The following TRIM51 variants were observed in gnomAD, a reference collection of about 807,000 sequenced individuals.
TRIM51 encodes tripartite motif-containing 51.
A neutral mutation model predicts 32.7 loss-of-function variants in TRIM51; 23 were observed. That is an observed-to-expected ratio of 0.70 (90% confidence interval 0.51 to 1.00). TRIM51 has a LOEUF of 1.00. Among genes scored for constraint, TRIM51 ranks in the 50% least tolerant of loss-of-function variants. The probability of loss-of-function intolerance (pLI) is 0.00; values close to 1 mark genes in which losing one functional copy is unlikely to be tolerated. For missense variants in TRIM51, 592 were observed against 539.2 expected, an observed-to-expected ratio of 1.10 and a Z score of -0.97; for synonymous variants, 177 against 181.9, an observed-to-expected ratio of 0.97 and a Z score of 0.22.
At position 55,883,983 on chromosome 11, in the gene TRIM51, G is replaced by A. The variant is rs376333374; in HGVS notation, c.-5+599G>A. ...AAAATTCCTTGAAATGGCTCAGATG[G>A]CCTCTGAAAAATATTTGCAATTCTT... On this transcript the variant is annotated intron_variant, in intron 1 of 6. Transcript: ENST00000449290. Among the ~76,000 whole-genome samples, 46 of 151,574 alleles carry A rather than the reference G, an allele frequency of 3.0e-4. No individual in the cohort carries two copies. The South Asian group carries it at 8.5e-3, about 28-fold the overall frequency.
chr11:55,885,863 A>C (rs1475279795), intron 2 of TRIM51, 24 bp downstream of exon 2: 2 of 1,611,472 alleles, frequency 1.2e-6, no homozygotes, highest in Admixed American at 3.3e-5. Context: ...CTGAAGATCT[A>C]TTTCTATACA....
Position 55,891,735 on chromosome 11 carries a change from A to T in TRIM51, c.*103A>T, listed in dbSNP as rs1854653655. On this transcript the variant is annotated 3_prime_UTR_variant, in exon 7 of 7. Coordinates refer to ENST00000449290, the MANE Select transcript of TRIM51 (RefSeq NM_032681.4). ...CAAACAGAACAAATAAGTTATATTT[A>T]ATGTCTTTAGTTGCATTCTAATGTC... is the stretch of plus-strand genomic sequence containing the variant. 7 of 1,332,752 alleles carry T rather than the reference A, an allele frequency of 5.3e-6. No homozygotes were observed. The highest frequency in any genetic ancestry group is 2.7e-5 in the South Asian group (2 of 73,992). 82.6% of individuals were successfully genotyped at this position (1,332,752 alleles called of 1,614,324 possible).
intron 5 of TRIM51, 27 bp from the exon 6 acceptor site, chr11:55,889,915 G>A (rs766833915): frequency 6.5e-7 from 1 of 1,540,758 alleles, no homozygotes; most frequent in South Asian, 1.1e-5. Context: ...GGCTGTAGAT[G>A]TGATAACCCT....
chr11:55,888,888 T>C (rs1854611679), intron 4 of TRIM51, 91 bp from the exon 5 acceptor site: 1 of 1,198,920 alleles, frequency 8.3e-7, no homozygotes, highest in African/African-American at 1.5e-5. Context: ...AAATAGTATC[T>C]TCAGAAACTG....
chr11:55,885,332 C>T (rs1854561445), intron 1 of TRIM51, 93 bp from the exon 2 acceptor site: 2 of 1,332,822 alleles, frequency 1.5e-6, no homozygotes, highest in South Asian at 1.2e-5. Flanking sequence ...TGAGCACTGT[C>T]AAGAAGAAAA....
At chr11:55,884,180 T>TATATATATATATATATATATATAC (rs1344857496) in intron 1 of TRIM51, among the ~76,000 whole-genome samples, 2 of 124,112 alleles carry the variant, frequency 1.6e-5, no homozygotes, top group African/African-American at 6.6e-5. Flanking sequence ...TATATATATA[T>TATATATATATATATATATATATAC]ATACACATAC....
chr11:55,891,209 A>G lies in TRIM51; in HGVS notation c.936A>G (p.Gly312=), dbSNP rs147581399. Residue 312 remains glycine, a synonymous_variant, in exon 7 of 7, where the codon GGA becomes GGG. Coordinates refer to ENST00000449290, the MANE Select transcript of TRIM51 (RefSeq NM_032681.4). ...GAGATTTGAGAAGCATGAATGTTGG[A>G]TGTGACCCTCAAGATGATCCCGATA... ...LCGDLRSMNV[G]CDPQDDPDIT... The G allele has an allele frequency of 2.5e-6, 4 of 1,604,234 alleles. No individual in the cohort carries two copies. In the East Asian group the frequency reaches 8.9e-5, roughly 36 times the overall value.
In TRIM51 at chr11:55,891,705, C is replaced by A. The variant is rs17156540; in HGVS notation, c.*73C>A. 173 of 1,528,846 alleles carry A rather than the reference C, an allele frequency of 1.1e-4. No homozygotes were observed. In the African/African-American group the frequency reaches 2.3e-3, roughly 20 times the overall value. The allele number at this position is 1,528,846 out of a possible 1,614,324, so 94.7% of individuals were successfully genotyped here. ...TCCCAGAAAGCCCTCTTTTTCGCAC[C>A]TCATCAAACAGAACAAATAAGTTAT... On this transcript the variant is annotated 3_prime_UTR_variant, in exon 7 of 7. Coordinates refer to ENST00000449290, the MANE Select transcript of TRIM51 (RefSeq NM_032681.4).
rs1278588551 is a variant in TRIM51 at position 55,885,475 on chromosome 11, C to A, written c.47C>A (p.Pro16His). 1 of 1,611,988 alleles carries A rather than the reference C, an allele frequency of 6.2e-7. No homozygotes were observed. ...GTCTTCCAGAGGGCACTCACCTGTC[C>A]CATCTGCATGAACTACTTCCTAGAC... Reference protein sequence around the residue: ...LQVFQRALTCPICMNYFLDPV... With the variant: ...LQVFQRALTCHICMNYFLDPV... Residue 16 changes from proline (P) to histidine (H), a missense_variant, in exon 2 of 7, where the codon CCC becomes CAC. By Grantham distance (77) the Pro-to-His change is moderately conservative. Coordinates refer to ENST00000449290, the MANE Select transcript of TRIM51 (RefSeq NM_032681.4).
rs769393258 is a variant in TRIM51, at chr11:55,885,827, T to C, written c.399T>C (p.Ala133=). 6.2e-7 allele frequency: 1 copy of C among 1,611,640 alleles called. No homozygotes were observed. The change falls in exon 2 of 7, where the codon GCT becomes GCC. Residue 133 remains alanine (A), a synonymous_variant. Coordinates refer to ENST00000449290, the MANE Select transcript of TRIM51 (RefSeq NM_032681.4). ...TACACTGTCCCATTGAGTGGGCTGC[T>C]GAGGAACGCCGGGTAAGTGATGCCT... ...NHIHCPIEWA[A]EERREELLKK...
In TRIM51 at chr11:55,889,986, A is replaced by T. The variant is rs764267318; in HGVS notation, c.806A>T (p.Glu269Val). The change falls in exon 6 of 7, where the codon GAG becomes GTG. Residue 269 changes from glutamate (E) to valine (V), a missense_variant. Glu to Val is a moderately radical substitution (Grantham distance 121). Coordinates refer to ENST00000449290, the MANE Select transcript of TRIM51 (RefSeq NM_032681.4). ...LLQVSEPVNPELSAGPITGLL... is the reference protein window; with the variant it reads ...LLQVSEPVNPVLSAGPITGLL... ...CAAGTGTCTGAGCCTGTGAATCCAG[A>T]GCTCAGTGCAGGGCCCATCACTGGA... The T allele has an allele frequency of 6.2e-7, 1 of 1,613,388 alleles. No individual in the cohort carries two copies. Among genetic ancestry groups the T allele is most frequent in the South Asian group, 1.1e-5 (1 of 91,062 alleles).
At chr11:55,887,262 C>T (rs1854588902) in intron 3 of TRIM51, among the ~76,000 whole-genome samples, 1 of 151,260 alleles carries the variant, frequency 6.6e-6, no homozygotes, top group Admixed American at 6.6e-5. Context: ...CTTCCTCTTC[C>T]TCATAAATAT....
chr11:55,886,369 A>C, intron 3 of TRIM51, 151 bp downstream of exon 3: 1 of 653,998 alleles, frequency 1.5e-6, no homozygotes, highest in Non-Finnish European at 2.7e-6. Context: ...AATTTTTTAT[A>C]TAAGTTAGTG....
rs149742843 is a variant in TRIM51 at position 55,888,262 on chromosome 11, G to T, written c.738G>T (p.Gln246His). ...ATAAAGCAGATGTGGAGCTACTCCAGGTATGGACTGACCATGGGGTATCAT... is the reference window on the plus strand; with the variant it reads ...ATAAAGCAGATGTGGAGCTACTCCATGTATGGACTGACCATGGGGTATCAT... ...MCHKADVELL[Q>H]AFGDILHRYE... Residue 246 changes from glutamine to histidine, a missense_variant and splice_region_variant, in exon 4 of 7, where the codon CAG becomes CAT. Gln to His is a conservative substitution (Grantham distance 24, BLOSUM62 0). Transcript: ENST00000449290. 4.0e-4 allele frequency: 635 copies of T among 1,607,128 alleles called. 1 individual carries two copies. The highest frequency in any genetic ancestry group is 5.0e-4 in the Non-Finnish European group (583 of 1,174,656).
At chr11:55,883,988 T>C (rs777060053) in intron 1 of TRIM51, among the ~76,000 whole-genome samples, 28 of 151,826 alleles carry the variant, frequency 1.8e-4, no homozygotes, top group Admixed American at 7.9e-4. Context: ...AGATGGCCTC[T>C]GAAAAATATT....
At chr11:55,885,347 G>A in intron 1 of TRIM51, 78 bp from the exon 2 acceptor site, 1 of 1,427,520 alleles carries the variant, frequency 7.0e-7, no homozygotes, top group South Asian at 1.2e-5. Context: ...AGAAAATATA[G>A]CTATCACATA....
intron 5 of TRIM51, among the ~76,000 whole-genome samples, 177 bp from the exon 6 acceptor site, chr11:55,889,765 G>A (rs146583997): frequency 0.013 from 2,003 of 152,226 alleles, 94 homozygotes; most frequent in East Asian, 0.098. Flanking sequence ...CTTTTCCATC[G>A]TGCTTGAAAA....
chr11:55,884,322 C>T (rs866990131), intron 1 of TRIM51, among the ~76,000 whole-genome samples: 2 of 151,044 alleles, frequency 1.3e-5, no homozygotes, highest in Non-Finnish European at 3.0e-5. Flanking sequence ...CAAACAATAA[C>T]GAGACTGTCT....
At chr11:55,888,423 G>C (rs950174169) in intron 4 of TRIM51, among the ~76,000 whole-genome samples, 161 bp downstream of exon 4, 2 of 152,162 alleles carry the variant, frequency 1.3e-5, no homozygotes, top group African/African-American at 4.8e-5. Context: ...GCCTCTCCTA[G>C]TGATTCTACT....
Sources: allele counts gnomAD v4.1 joint callset (sites outside exome capture counted in the v4.1 genomes callset), GRCh38; gene constraint gnomAD v4.1.1; transcripts MANE v1.5; gene names NCBI Gene and HGNC (gene_info 2026-07-23, HGNC 2026-07-21).